FUS: variants seen among roughly 807,000 people sequenced by gnomAD.
FUS encodes the protein RNA-binding protein FUS.
In FUS, 5 loss-of-function variants were observed where a neutral mutation model predicts 82.7. The ratio of observed to expected loss-of-function variants is 0.06; its 90% CI spans 0.03 to 0.13. The LOEUF (loss-of-function observed/expected upper bound fraction) is 0.13, where lower values mean the gene tolerates loss of function less well. Ranked by LOEUF, FUS falls within the 10% of genes least tolerant of loss-of-function variation. The pLI, the probability that FUS is intolerant of heterozygous loss-of-function variation, is 1.00. For missense variants in FUS, 512 were observed against 707.8 expected, an observed-to-expected ratio of 0.72 and a Z score of 3.14; for synonymous variants, 281 against 247.4, an observed-to-expected ratio of 1.14 and a Z score of -1.27.
intron 14 of FUS, 59 bp downstream of exon 14, chr16:31,191,169 A>C: frequency 2.5e-6 from 4 of 1,597,212 alleles, no homozygotes; most frequent in Non-Finnish European, 3.4e-6. Flanking sequence ...ATAGGATAAC[A>C]GGGTTTTGTT....
chr16:31,190,520 T>A, intron 12 of FUS, 122 bp downstream of exon 12: 4 of 1,486,112 alleles, frequency 2.7e-6, no homozygotes, highest in Non-Finnish European at 3.8e-6. Context: ...TGGGGTCAGA[T>A]TTAGCCAAAA....
chr16:31,186,192 G>T (rs879799257), intron 6 of FUS: 5 of 243,386 alleles, frequency 2.1e-5, no homozygotes, highest in Non-Finnish European at 4.1e-5. Context: ...GGTATGAAAG[G>T]TGACATTGCA....
At chr16:31,193,860 G>T (rs1429317168), downstream of FUS, 1 of 526,676 alleles carries the variant, frequency 1.9e-6, no homozygotes, top group Non-Finnish European at 3.7e-6. Flanking sequence ...GGGTTGCCCA[G>T]GCTGGTCTTG....
At chr16:31,184,534 TC>T (rs1415307237) in intron 5 of FUS, 138 bp downstream of exon 5, 3 of 908,258 alleles carry the variant, frequency 3.3e-6, no homozygotes, top group East Asian at 2.6e-5. Context: ...AGCTCCGCCT[TC>T]CGGGTTCGCG....
chr16:31,182,473 C>A (rs1233091147), intron 2 of FUS, 40 bp from the exon 3 acceptor site: 1 of 1,614,190 alleles, frequency 6.2e-7, no homozygotes, highest in Non-Finnish European at 8.5e-7. Context: ...AGGGTGGTCA[C>A]GCCATGTTTT....
chr16:31,192,567 T>G (rs899459244), downstream of FUS: 3 of 491,772 alleles, frequency 6.1e-6, no homozygotes, highest in Non-Finnish European at 1.2e-5. Flanking sequence ...AAATTTTTAT[T>G]TTTTATTTTT....
chr16:31,192,696 G>T, downstream of FUS: 2 of 482,098 alleles, frequency 4.1e-6, no homozygotes, highest in South Asian at 3.1e-5. Context: ...CCCAGCTTCT[G>T]AGTAGCTGAG....
downstream of FUS, chr16:31,194,577 A>G (rs1445110360): frequency 2.0e-6 from 1 of 499,492 alleles, no homozygotes; most frequent in South Asian, 1.5e-5. Flanking sequence ...GAGTGCTGGG[A>G]TTAAGGTGTG....
At chr16:31,194,454 T>A (rs1026351293), downstream of FUS, 1 of 504,670 alleles carries the variant, frequency 2.0e-6, no homozygotes, top group Non-Finnish European at 3.9e-6. Context: ...CCACCATGAC[T>A]GGCTAATTTT....
rs1482823976 is a variant in FUS at position 31,191,467 on chromosome 16, G to A, written c.*29G>A. On this transcript the variant is annotated 3_prime_UTR_variant, in exon 15 of 15. Coordinates refer to ENST00000254108, the MANE Select transcript of FUS (RefSeq NM_004960.4). ...GCCTGGCTCCCCAGGTTCTGGAACA[G>A]CTTTTTGTCCTGTACCCAGTGTTAC... is the stretch of plus-strand genomic sequence containing the variant. 1.9e-5 allele frequency: 30 copies of A among 1,612,524 alleles called. No individual in the cohort carries two copies. Among genetic ancestry groups the A allele is most frequent in the Non-Finnish European group, 2.5e-5 (30 of 1,179,166 alleles).
downstream of FUS, chr16:31,193,820 T>C (rs1196523373): frequency 9.8e-6 from 2 of 204,002 alleles, no homozygotes; most frequent in Non-Finnish European, 1.9e-5. Context: ...TTTTAATTAC[T>C]TTTTTTTTTT....
Position 31,191,447 on chromosome 16 carries a change from G to T in FUS, c.*9G>T. 1 of 1,613,338 alleles carries T rather than the reference G, an allele frequency of 6.2e-7. No individual in the cohort carries two copies. The highest frequency in any genetic ancestry group is 8.5e-7 in the Non-Finnish European group (1 of 1,179,800). ...GGGAGAGGCCGTATTAATTAGCCTG[G>T]CTCCCCAGGTTCTGGAACAGCTTTT... On this transcript the variant is annotated 3_prime_UTR_variant, in exon 15 of 15. Coordinates refer to ENST00000254108, the MANE Select transcript of FUS (RefSeq NM_004960.4).
At chr16:31,192,167 G>A (rs1270539428), downstream of FUS, 1 of 529,026 alleles carries the variant, frequency 1.9e-6, no homozygotes. Flanking sequence ...AGACTGGTCT[G>A]GCTGGGTTAC....
In FUS at chr16:31,188,382, A is replaced by G. The variant is rs192437273; in HGVS notation, c.832+25A>G. 12 of 1,613,440 alleles carry G rather than the reference A, an allele frequency of 7.4e-6. No individual in the cohort carries two copies. In the African/African-American group the frequency reaches 1.1e-4, roughly 14 times the overall value. On this transcript the variant is annotated intron_variant, in intron 8 of 14. Coordinates refer to ENST00000254108, the MANE Select transcript of FUS (RefSeq NM_004960.4). ...GGTGAGTTCACACGTGGTGGCATGA[A>G]AAGAGTGGCTAAAGTGGTATCAAGA...
Position 31,186,813 on chromosome 16 carries a change from G to C in FUS, c.776G>C (p.Arg259Pro). The part of the protein sequence containing the change: ...GGRGGMGGSD[R>P]GGFNKFGGPR... ...CTTGTCTTCTCCAGCGGAAGTGACC[G>C]TGGTGGCTTCAATAAATTTGGTGGT... The change falls in exon 7 of 15, where the codon CGT (arginine) becomes CCT (proline). Residue 259 changes from arginine to proline, a missense_variant. Transcript: ENST00000254108. The C allele has an allele frequency of 6.2e-7, 1 of 1,614,108 alleles. No homozygotes were observed. Among genetic ancestry groups the C allele is most frequent in the Non-Finnish European group, 8.5e-7 (1 of 1,179,928 alleles).
In FUS at chr16:31,190,826, A is replaced by C. The variant is rs769158500; in HGVS notation, c.1377A>C (p.Pro459=). The C allele has an allele frequency of 6.2e-7, 1 of 1,614,204 alleles. No homozygotes were observed. Reference sequence around the variant, plus strand: ...AACCAGATGGCCCAGGAGGGGGACCAGGTGGCTCTCACATGGGTAAGAAAG... The same window carrying C: ...AACCAGATGGCCCAGGAGGGGGACCCGGTGGCTCTCACATGGGTAAGAAAG... ...APKPDGPGGG[P]GGSHMGGNYG... The change falls in exon 13 of 15, where the codon CCA becomes CCC. Residue 459 remains proline, a synonymous_variant. Coordinates refer to ENST00000254108, the MANE Select transcript of FUS (RefSeq NM_004960.4).
intron 12 of FUS, 160 bp downstream of exon 12, chr16:31,190,558 G>A: frequency 8.1e-7 from 1 of 1,235,916 alleles, no homozygotes; most frequent in Non-Finnish European, 1.2e-6. Flanking sequence ...TGATGTAATG[G>A]GAAAGGTAAT....
chr16:31,191,940 C>A (rs1465704490), downstream of FUS: 2 of 533,808 alleles, frequency 3.7e-6, no homozygotes, highest in Non-Finnish European at 3.6e-6. Flanking sequence ...GATCTTTTGG[C>A]CCTTTTAATG....
intron 6 of FUS, chr16:31,186,113 A>G (rs930888385): frequency 1.7e-5 from 4 of 238,354 alleles, no homozygotes; most frequent in Non-Finnish European, 2.5e-5. Context: ...CGTGTGTTTA[A>G]TGCAAAACTT....
Sources: gnomAD v4.1 joint callset for allele counts on GRCh38, gnomAD v4.1.1 for gene constraint, MANE v1.5 for transcripts, NCBI Gene and HGNC (gene_info 2026-07-23, HGNC 2026-07-21) for gene names.